The following ZFHX3 variants were observed in gnomAD, a reference collection of about 807,000 sequenced individuals.
ZFHX3 encodes the protein zinc finger homeobox protein 3.
Under a neutral mutation model 279.1 loss-of-function variants are expected in ZFHX3, and 42 were observed. That is an observed-to-expected ratio of 0.15 (90% confidence interval 0.12 to 0.19). The LOEUF (loss-of-function observed/expected upper bound fraction) is 0.19. Ranked by LOEUF, ZFHX3 falls within the 10% of genes least tolerant of loss-of-function variation. The pLI, the probability that ZFHX3 is intolerant of heterozygous loss-of-function variation, is 1.00. For synonymous variants in ZFHX3, 2,293 were observed against 1,957.8 expected, an observed-to-expected ratio of 1.17 and a Z score of -4.52; for missense variants, 4,981 against 4,754.0, an observed-to-expected ratio of 1.05 and a Z score of -1.40.
chr16:73,051,366 C>T (rs566581652), upstream of ZFHX3, among the ~76,000 whole-genome samples: 2 of 152,308 alleles, frequency 1.3e-5, no homozygotes, highest in East Asian at 3.9e-4. Flanking sequence ...ATTTAGGGGC[C>T]TGGTACCCGC....
intron 3 of ZFHX3, among the ~76,000 whole-genome samples, chr16:72,946,756 T>C (rs1353751600): frequency 1.3e-5 from 2 of 152,206 alleles, no homozygotes; most frequent in African/African-American, 4.8e-5. Flanking sequence ...ACAGCCGCTC[T>C]CCTAGTTCTG....
At chr16:73,844,074 A>C (rs755735319) in intron 1 of ZFHX3, among the ~76,000 whole-genome samples, 1 of 152,270 alleles carries the variant, frequency 6.6e-6, no homozygotes, top group African/African-American at 2.4e-5. Flanking sequence ...AGTGACCACC[A>C]TGAAATATTA....
upstream of ZFHX3, chr16:73,060,340 C>A (rs1597143185): frequency 1.3e-5 from 2 of 152,012 alleles, no homozygotes; most frequent in Admixed American, 1.3e-4. Flanking sequence ...AGCGGTACAT[C>A]CCACTAGAGC....
chr16:73,369,268 C>T (rs149344277), intron 3 of ZFHX3, among the ~76,000 whole-genome samples: 12 of 152,234 alleles, frequency 7.9e-5, no homozygotes, highest in South Asian at 2.1e-4. Context: ...CAGGTCTAGG[C>T]GCAGAACTGG....
intron 1 of ZFHX3, among the ~76,000 whole-genome samples, chr16:73,056,572 A>G (rs1965561615): frequency 6.6e-6 from 1 of 152,136 alleles, no homozygotes; most frequent in South Asian, 2.1e-4. Context: ...AAACAACTTC[A>G]GCAAAATGGA....
At position 73,673,262 on chromosome 16, in the gene ZFHX3, G is replaced by A. The variant is rs76245223; in HGVS notation, c.-1547+6918C>T. Among the ~76,000 whole-genome samples, 6 of 152,122 alleles carry A rather than the reference G, an allele frequency of 3.9e-5. No individual in the cohort carries two copies. The East Asian group carries it at 7.7e-4, about 20-fold the overall frequency. On this transcript the variant is annotated intron_variant, in intron 2 of 17. Coordinates refer to the ZFHX3 transcript ENST00000641206. ...GCACACGGGTAGAGGCCACTGTCCCGCTAATTTTCCTACTTTTAAGCTGGG... is the reference window on the plus strand; with the variant it reads ...GCACACGGGTAGAGGCCACTGTCCCACTAATTTTCCTACTTTTAAGCTGGG...
rs570003342 is a variant in ZFHX3 at position 73,643,113 on chromosome 16, G to A, written c.-1547+37067C>T. 7.9e-5 allele frequency among the ~76,000 whole-genome samples: 12 copies of A among 152,312 alleles called. No homozygotes were observed. In the East Asian group the frequency reaches 2.3e-3, roughly 29 times the overall value. On this transcript the variant is annotated intron_variant, in intron 2 of 17. Coordinates refer to the ZFHX3 transcript ENST00000641206. Reference sequence around the variant, plus strand: ...ATTTTGCTATCTGGAGGCTCCGTCAGCACCTTGTGCAAAAGAACTAAAACA... The same window carrying A: ...ATTTTGCTATCTGGAGGCTCCGTCAACACCTTGTGCAAAAGAACTAAAACA...
intron 2 of ZFHX3, among the ~76,000 whole-genome samples, chr16:73,557,026 C>G (rs535918824): frequency 3.0e-5 from 4 of 131,538 alleles, no homozygotes; most frequent in Non-Finnish European, 6.2e-5. Flanking sequence ...ACCTGGGAGG[C>G]GGAGCTTGCA....
At chr16:73,068,989 G>A (rs1489700867) in intron 8 of ZFHX3, among the ~76,000 whole-genome samples, 4 of 152,224 alleles carry the variant, frequency 2.6e-5, no homozygotes, top group African/African-American at 9.6e-5. Flanking sequence ...GGGCGCAACT[G>A]CACAAGGGGG....
Position 73,463,569 on chromosome 16 carries a change from C to T in ZFHX3, c.-1546-7311G>A, listed in dbSNP as rs771693375. On this transcript the variant is annotated intron_variant, in intron 2 of 17. Coordinates refer to the ZFHX3 transcript ENST00000641206. ...ACCCTCCTGCCGTTTCCCTTCTTTT[C>T]GTTATCTCTTCTTTTCTCTGCTCAT... Among the ~76,000 whole-genome samples, 4 of 152,186 alleles carry T rather than the reference C, an allele frequency of 2.6e-5. No homozygotes were observed. The East Asian group carries it at 7.7e-4, about 29-fold the overall frequency.
rs764787434 is a variant in ZFHX3, at chr16:72,957,467, C to T, written c.2679G>A (p.Leu893=). ...TGGCGGCCATGGGCCCGGCGGGATC[C>T]AGCTGGAATCCGCTCATCATGAACT... ...DAQFMMSGFQ[L]DPAGPMAAMT... is the part of the protein sequence containing the mutation. Residue 893 remains leucine (L), a synonymous_variant, in exon 2 of 10, where the codon CTG becomes CTA. Coordinates refer to ENST00000268489, the MANE Select transcript of ZFHX3 (RefSeq NM_006885.4). 6.2e-7 allele frequency: 1 copy of T among 1,613,604 alleles called. No homozygotes were observed. The highest frequency in any genetic ancestry group is 8.5e-7 in the Non-Finnish European group (1 of 1,179,768).
At chr16:73,579,935 AT>A (rs2051842306) in intron 2 of ZFHX3, among the ~76,000 whole-genome samples, 1 of 147,244 alleles carries the variant, frequency 6.8e-6, no homozygotes, top group Admixed American at 6.8e-5. Flanking sequence ...ATAATGTGAT[AT>A]ATTATAATGT....
intron 4 of ZFHX3, among the ~76,000 whole-genome samples, chr16:72,883,649 C>T (rs1408339022): frequency 6.6e-6 from 1 of 152,220 alleles, no homozygotes; most frequent in Non-Finnish European, 1.5e-5. Context: ...CCTCTCTTTA[C>T]CCTTGCATTG....
At chr16:73,229,293 C>A (rs1196478377) in intron 5 of ZFHX3, among the ~76,000 whole-genome samples, 3 of 152,048 alleles carry the variant, frequency 2.0e-5, no homozygotes, top group Non-Finnish European at 1.5e-5. Flanking sequence ...TTTGCTTGAC[C>A]CATTGTTCTT....
intron 1 of ZFHX3, among the ~76,000 whole-genome samples, chr16:73,684,271 T>A (rs2053055829): frequency 6.6e-6 from 1 of 152,176 alleles, no homozygotes; most frequent in Non-Finnish European, 1.5e-5. Flanking sequence ...TTCCAATTCC[T>A]GCTCTAGGGG....
intron 2 of ZFHX3, among the ~76,000 whole-genome samples, chr16:73,459,194 C>G (rs937554092): frequency 1.1e-4 from 16 of 152,154 alleles, no homozygotes; most frequent in African/African-American, 3.6e-4. Flanking sequence ...AAAAACTAAC[C>G]TTTTTATTTT....
At chr16:73,716,275 G>T (rs2053413513) in intron 1 of ZFHX3, among the ~76,000 whole-genome samples, 1 of 152,010 alleles carries the variant, frequency 6.6e-6, no homozygotes, top group Non-Finnish European at 1.5e-5. Flanking sequence ...TCTTTTCAAA[G>T]ATCACTAAAA....
intron 1 of ZFHX3, among the ~76,000 whole-genome samples, chr16:73,868,980 C>G (rs1286191546): frequency 6.6e-6 from 1 of 151,942 alleles, no homozygotes; most frequent in Non-Finnish European, 1.5e-5. Context: ...GGAACTTGTC[C>G]CCTTCAAAAA....
rs189684527 is a variant in ZFHX3 at position 73,156,154 on chromosome 16, C to A, written c.-1103-12323G>T. Among the ~76,000 whole-genome samples, 539 of 149,956 alleles carry A rather than the reference C, an allele frequency of 3.6e-3. 3 individuals carry two copies. Among genetic ancestry groups the A allele is most frequent in the Middle Eastern group, 0.01 (3 of 288 alleles). On this transcript the variant is annotated intron_variant, in intron 5 of 17. Coordinates refer to the ZFHX3 transcript ENST00000641206. Reference sequence around the variant, plus strand: ...GGCTGAGGCAAGAGAATGGTGTGAACCCGGGAGGCAGAGCTTGCAGTGAGC... The same window carrying A: ...GGCTGAGGCAAGAGAATGGTGTGAAACCGGGAGGCAGAGCTTGCAGTGAGC...
Sources: gnomAD v4.1 joint callset for allele counts (sites outside exome capture counted in the v4.1 genomes callset) on GRCh38, gnomAD v4.1.1 for gene constraint, MANE v1.5 for transcripts, NCBI Gene and HGNC (gene_info 2026-07-23, HGNC 2026-07-21) for gene names.